The following SLC9A9 variants were observed in gnomAD, a reference collection of about 807,000 sequenced individuals.
SLC9A9 encodes the protein sodium/hydrogen exchanger 9.
A neutral mutation model predicts 77.8 loss-of-function variants in SLC9A9; 62 were observed. That is an observed-to-expected ratio of 0.80 (90% CI 0.65 to 0.98). SLC9A9 has a LOEUF of 0.98. Among genes scored for constraint, SLC9A9 ranks in the 50% least tolerant of loss-of-function variants. The pLI, the probability that SLC9A9 is intolerant of heterozygous loss-of-function variation, is 0.00. For missense variants in SLC9A9, 775 were observed against 774.9 expected, an observed-to-expected ratio of 1.00 and a Z score of 0.00; for synonymous variants, 320 against 283.5, an observed-to-expected ratio of 1.13 and a Z score of -1.29.
At chr3:143,652,597 T>C (rs1460883440) in intron 5 of SLC9A9, among the ~76,000 whole-genome samples, 1 of 152,066 alleles carries the variant, frequency 6.6e-6, no homozygotes, top group Admixed American at 6.6e-5. Flanking sequence ...ATCTGCACCT[T>C]GCTTACCTTC....
chr3:143,299,858 TC>T (rs2030441649), intron 14 of SLC9A9, among the ~76,000 whole-genome samples: 2 of 152,206 alleles, frequency 1.3e-5, no homozygotes, highest in South Asian at 4.1e-4. Context: ...ACCCCTGGGT[TC>T]TGAGCCTTAT....
intron 9 of SLC9A9, among the ~76,000 whole-genome samples, chr3:143,550,460 A>G (rs1431431232): frequency 6.6e-6 from 1 of 152,172 alleles, no homozygotes; most frequent in African/African-American, 2.4e-5. Context: ...ACTCTGGACT[A>G]TGCCATATAA....
At chr3:143,400,775 ACTTTTAGTCACT>A (rs1276464438) in intron 12 of SLC9A9, among the ~76,000 whole-genome samples, 85 of 151,328 alleles carry the variant, frequency 5.6e-4, no homozygotes, top group African/African-American at 1.8e-3. Flanking sequence ...GTGTCAAGCA[ACTTTTAGTCACT>A]GGGTGGAATC....
chr3:143,638,423 T>C (rs1020924341), intron 6 of SLC9A9, among the ~76,000 whole-genome samples: 1 of 152,240 alleles, frequency 6.6e-6, no homozygotes, highest in Non-Finnish European at 1.5e-5. Flanking sequence ...CTAAATTCTA[T>C]GTGAGTTATT....
chr3:143,805,610 C>G (rs773119874), intron 2 of SLC9A9, among the ~76,000 whole-genome samples: 1 of 152,198 alleles, frequency 6.6e-6, no homozygotes, highest in East Asian at 1.9e-4. Flanking sequence ...TGATGACATA[C>G]CACCACAAAA....
intron 11 of SLC9A9, among the ~76,000 whole-genome samples, chr3:143,481,756 A>C (rs2035578611): frequency 6.6e-6 from 1 of 152,198 alleles, no homozygotes; most frequent in South Asian, 2.1e-4. Flanking sequence ...TTTGGATATC[A>C]AGGATCAAGA....
chr3:143,545,604 C>G (rs2036774285), intron 9 of SLC9A9, among the ~76,000 whole-genome samples: 2 of 152,148 alleles, frequency 1.3e-5, no homozygotes, highest in African/African-American at 4.8e-5. Flanking sequence ...TGAGTTGTAG[C>G]AATATAAGGT....
intron 9 of SLC9A9, among the ~76,000 whole-genome samples, chr3:143,498,354 T>C (rs1217944726): frequency 6.6e-6 from 1 of 152,090 alleles, no homozygotes; most frequent in Non-Finnish European, 1.5e-5. Context: ...TAAAGAAATG[T>C]TGCAGCCTGG....
chr3:143,341,689 C>T (rs1576435834), intron 14 of SLC9A9, among the ~76,000 whole-genome samples: 1 of 152,156 alleles, frequency 6.6e-6, no homozygotes, highest in Non-Finnish European at 1.5e-5. Context: ...CAAAATGACT[C>T]CGATATGCAA....
intron 14 of SLC9A9, among the ~76,000 whole-genome samples, chr3:143,311,051 C>A (rs1446313099): frequency 6.6e-6 from 1 of 152,182 alleles, no homozygotes; most frequent in Non-Finnish European, 1.5e-5. Flanking sequence ...TTCCAGGGAA[C>A]CTTTCCCATC....
chr3:143,551,829 C>T (rs901298362), intron 9 of SLC9A9, among the ~76,000 whole-genome samples: 2 of 152,130 alleles, frequency 1.3e-5, no homozygotes, highest in Non-Finnish European at 2.9e-5. Flanking sequence ...TGGTGCTTGG[C>T]GCAGAGTGGC....
intron 13 of SLC9A9, chr3:143,372,141 C>T: frequency 4.8e-6 from 1 of 210,206 alleles, no homozygotes; most frequent in Non-Finnish European, 1.0e-5. Context: ...ATGATACTGC[C>T]TAAAGCAGTC....
intron 15 of SLC9A9, among the ~76,000 whole-genome samples, chr3:143,268,207 T>C (rs1203789633): frequency 6.6e-6 from 1 of 152,186 alleles, no homozygotes; most frequent in Admixed American, 6.5e-5. Flanking sequence ...TTGTGAGTAA[T>C]GATTCTAAGT....
intron 4 of SLC9A9, among the ~76,000 whole-genome samples, chr3:143,790,954 A>T (rs932311384): frequency 7.9e-5 from 12 of 152,354 alleles, no homozygotes; most frequent in Middle Eastern, 3.4e-3. Flanking sequence ...GGTACTAATG[A>T]GTTCTTAGAA....
intron 14 of SLC9A9, among the ~76,000 whole-genome samples, chr3:143,336,820 AATGTGAATAT>A (rs2031938055): frequency 1.3e-5 from 2 of 150,232 alleles, no homozygotes; most frequent in South Asian, 4.1e-4. Flanking sequence ...GTTTTACAAC[AATGTGAATAT>A]AATTGACACT....
chr3:143,653,582 T>C (rs968495563), intron 5 of SLC9A9, among the ~76,000 whole-genome samples: 1 of 152,042 alleles, frequency 6.6e-6, no homozygotes, highest in African/African-American at 2.4e-5. Context: ...GTTTTATAAG[T>C]AGGATTAAGA....
chr3:143,316,139 G>A (rs561693213), intron 14 of SLC9A9, among the ~76,000 whole-genome samples: 1 of 152,248 alleles, frequency 6.6e-6, no homozygotes, highest in Admixed American at 6.5e-5. Context: ...CAGAAGAAAC[G>A]GCCCAGGCAG....
chr3:143,777,860 A>G (rs1396765121), intron 4 of SLC9A9, among the ~76,000 whole-genome samples: 1 of 151,710 alleles, frequency 6.6e-6, no homozygotes, highest in South Asian at 2.1e-4. Context: ...GATTACAGGC[A>G]CATGCCACCA....
At chr3:143,302,769 A>G (rs2030584598) in intron 14 of SLC9A9, among the ~76,000 whole-genome samples, 1 of 152,208 alleles carries the variant, frequency 6.6e-6, no homozygotes, top group Non-Finnish European at 1.5e-5. Context: ...ACTCAGGCTC[A>G]AGACAGGCAG....
Sources: gnomAD v4.1 joint callset for allele counts (sites outside exome capture counted in the v4.1 genomes callset) on GRCh38, gnomAD v4.1.1 for gene constraint, MANE v1.5 for transcripts, NCBI Gene and HGNC (gene_info 2026-07-23, HGNC 2026-07-21) for gene names.